The following VIPR2 variants were observed in gnomAD, a reference collection of about 807,000 sequenced individuals.
VIPR2 encodes vasoactive intestinal polypeptide receptor 2.
A neutral mutation model predicts 58.0 loss-of-function variants in VIPR2; 48 were observed. The ratio of observed to expected loss-of-function variants is 0.83; its 90% CI spans 0.66 to 1.05. The LOEUF is 1.05. Among genes scored for constraint, VIPR2 ranks in the 50% least tolerant of loss-of-function variants. The pLI is 0.00. For synonymous variants in VIPR2, 243 were observed against 235.2 expected, an observed-to-expected ratio of 1.03 and a Z score of -0.30; for missense variants, 534 against 558.0, an observed-to-expected ratio of 0.96 and a Z score of 0.43.
intron 10 of VIPR2, among the ~76,000 whole-genome samples, chr7:159,033,825 G>A (rs563221629): frequency 6.6e-6 from 1 of 152,290 alleles, no homozygotes; most frequent in South Asian, 2.1e-4. Context: ...ACATGTAAGT[G>A]GGCGGATGCT....
At chr7:159,114,548 T>G (rs1460271544) in intron 2 of VIPR2, among the ~76,000 whole-genome samples, 1 of 152,186 alleles carries the variant, frequency 6.6e-6, no homozygotes, top group Non-Finnish European at 1.5e-5. Flanking sequence ...GAAAAGTTAC[T>G]TGGTAAAATT....
chr7:159,089,579 CATT>C (rs1023522162), intron 4 of VIPR2, among the ~76,000 whole-genome samples: 68 of 152,348 alleles, frequency 4.5e-4, no homozygotes, highest in African/African-American at 1.6e-3. Context: ...CTATTATTAT[CATT>C]ATAACTAATA....
At chr7:159,063,979 GC>G (rs1855925070) in intron 4 of VIPR2, among the ~76,000 whole-genome samples, 1 of 151,538 alleles carries the variant, frequency 6.6e-6, no homozygotes, top group South Asian at 2.1e-4. Flanking sequence ...AGCACCCGGT[GC>G]TCACACCGGG....
chr7:159,035,961 T>G lies in VIPR2; in HGVS notation c.800A>C (p.Glu267Ala). 6.2e-7 allele frequency: 1 copy of G among 1,613,728 alleles called. No homozygotes were observed. Among genetic ancestry groups the G allele is most frequent in the Non-Finnish European group, 8.5e-7 (1 of 1,179,852 alleles). Residue 267 changes from glutamate (E) to alanine (A), a missense_variant, in exon 8 of 13, where the codon GAA becomes GCA. Physicochemically the swap from Glu to Ala is moderately radical, Grantham distance 107 (BLOSUM62 -1). Coordinates refer to ENST00000262178, the MANE Select transcript of VIPR2 (RefSeq NM_003382.5). ...CTGGTCATGGACTCACCCGGTGTCT[T>G]CTAAGTAGAGCCTGGCCGCAGTCCA... ...GAWTAARLYLEDTGCWDTNDH... is the reference protein window; with the variant it reads ...GAWTAARLYLADTGCWDTNDH...
intron 3 of VIPR2, among the ~76,000 whole-genome samples, chr7:159,106,956 G>C (rs928297446): frequency 6.6e-6 from 1 of 150,970 alleles, no homozygotes; most frequent in Non-Finnish European, 1.5e-5. Flanking sequence ...ACAGAGAGAG[G>C]CCAGGGAGGT....
chr7:159,100,677 G>T (rs1858148640), intron 4 of VIPR2, among the ~76,000 whole-genome samples: 1 of 152,258 alleles, frequency 6.6e-6, no homozygotes. Context: ...ACTGAATCAT[G>T]CAGGCCGTTC....
chr7:159,137,921 G>A (rs140074287), intron 2 of VIPR2, among the ~76,000 whole-genome samples: 53 of 152,226 alleles, frequency 3.5e-4, no homozygotes, highest in African/African-American at 1.1e-3. Context: ...TACAACTGAC[G>A]TCTACACCAT....
intron 4 of VIPR2, chr7:159,059,121 T>C (rs968226266): frequency 2.4e-6 from 1 of 411,336 alleles, no homozygotes; most frequent in Non-Finnish European, 5.0e-6. Flanking sequence ...GTCCATGGCT[T>C]GATACTTTTA....
At chr7:159,115,917 TA>T (rs1189412916) in intron 2 of VIPR2, among the ~76,000 whole-genome samples, 1 of 152,074 alleles carries the variant, frequency 6.6e-6, no homozygotes, top group African/African-American at 2.4e-5. Flanking sequence ...TATACCAGCT[TA>T]GGCTGCGTTT....
At chr7:159,123,255 T>A (rs771112880) in intron 2 of VIPR2, among the ~76,000 whole-genome samples, 22 of 117,130 alleles carry the variant, frequency 1.9e-4, no homozygotes, top group Non-Finnish European at 2.7e-4. Context: ...GTCGCCCCAC[T>A]GCACTCCAGC....
At chr7:159,092,140 C>T (rs999709324) in intron 4 of VIPR2, among the ~76,000 whole-genome samples, 7 of 152,226 alleles carry the variant, frequency 4.6e-5, no homozygotes, top group Admixed American at 6.5e-5. Context: ...CAGAGGCTGA[C>T]GTGAGGGCTT....
chr7:159,130,810 CAAGGA>C (rs1001560554), intron 2 of VIPR2, among the ~76,000 whole-genome samples: 11 of 152,192 alleles, frequency 7.2e-5, no homozygotes, highest in African/African-American at 2.2e-4. Context: ...TCTTCACTGG[CAAGGA>C]AAGAGTTACA....
intron 2 of VIPR2, among the ~76,000 whole-genome samples, chr7:159,124,855 C>A (rs919894241): frequency 6.6e-5 from 10 of 152,094 alleles, no homozygotes; most frequent in Admixed American, 2.0e-4. Context: ...TTTCACCTCC[C>A]TGGTTAGCTG....
chr7:159,074,105 C>T (rs1856532816), intron 4 of VIPR2, among the ~76,000 whole-genome samples: 1 of 152,198 alleles, frequency 6.6e-6, no homozygotes, highest in African/African-American at 2.4e-5. Context: ...AAAACTGTTG[C>T]TTGTGGATCA....
In VIPR2 at chr7:159,036,836, C is replaced by G. The variant is rs753035890; in HGVS notation, c.664G>C (p.Val222Leu). Reference protein sequence around the residue: ...CIMANFFWLLVEGLYLHTLLV... With the variant: ...CIMANFFWLLLEGLYLHTLLV... ...AGGGTGTGGAGGTAGAGCCCCTCCA[C>G]CAGCAGCCAGAAGAAGTTGGCCATG... The change falls in exon 7 of 13, where the codon GTG becomes CTG. Residue 222 changes from valine to leucine, a missense_variant. Physicochemically the swap from Val to Leu is conservative, Grantham distance 32 (BLOSUM62 1). This residue lies in a region of VIPR2 where 306 missense variants were observed against 285.8 expected (regional missense o/e 1.07). Transcript: ENST00000262178. The G allele has an allele frequency of 6.2e-7, 1 of 1,613,994 alleles. No individual in the cohort carries two copies. The highest frequency in any genetic ancestry group is 1.1e-5 in the South Asian group (1 of 91,076).
chr7:159,066,682 G>C (rs1418703111), intron 4 of VIPR2, among the ~76,000 whole-genome samples: 1 of 152,242 alleles, frequency 6.6e-6, no homozygotes, highest in Non-Finnish European at 1.5e-5. Flanking sequence ...TGTGGTGCAA[G>C]AACTAGAGCT....
chr7:159,062,528 G>C (rs962629044), intron 4 of VIPR2, among the ~76,000 whole-genome samples: 1 of 152,096 alleles, frequency 6.6e-6, no homozygotes, highest in Admixed American at 6.5e-5. Flanking sequence ...CCCCTCTCTG[G>C]AGTTGTTCAT....
chr7:159,031,567 C>G lies in VIPR2; in HGVS notation c.1143+261G>C. On this transcript the variant is annotated intron_variant, in intron 12 of 12. Coordinates refer to ENST00000262178, the MANE Select transcript of VIPR2 (RefSeq NM_003382.5). This position sits in a 1 kb window ranked among gnomAD's most constrained non-coding sequence, Gnocchi z 4.0. ...GTCTAGACCCGGCCGGGAGCTTTCC[C>G]GAGAGGGCTCCGAGACGGACGGCAG... 1.0e-6 allele frequency: 1 copy of G among 985,402 alleles called. No individual in the cohort carries two copies. The highest frequency in any genetic ancestry group is 1.2e-6 in the Non-Finnish European group (1 of 829,934). The allele number at this position is 985,402 out of a possible 1,614,324, so 61.0% of individuals were successfully genotyped here. A position where few individuals can be genotyped will look rare whatever the true frequency, so the allele number is the denominator to read the frequency against.
chr7:159,080,459 G>T (rs1856844338), intron 4 of VIPR2, among the ~76,000 whole-genome samples: 1 of 152,096 alleles, frequency 6.6e-6, no homozygotes, highest in African/African-American at 2.4e-5. Flanking sequence ...GTATTGATGG[G>T]ATGTATCTCA....
Sources: gnomAD v4.1 joint callset for allele counts (sites outside exome capture counted in the v4.1 genomes callset) on GRCh38, gnomAD v4.1.1 for gene constraint, gnomAD v4.1.1 regional missense constraint, Gnocchi (gnomAD v3.1) non-coding constraint, MANE v1.5 for transcripts, NCBI Gene and HGNC (gene_info 2026-07-23, HGNC 2026-07-21) for gene names.